Variants in PRP4K observed in about 807,000 individuals in gnomAD.
The protein encoded by PRP4K is serine/threonine-protein kinase PRP4 homolog.
At chr6:4,064,662 C>CT in the PRP4K span, 1 of 152,612 alleles carries the variant, frequency 6.6e-6, no homozygotes, top group Admixed American at 6.5e-5. Flanking sequence ...AATGGAATGT[C>CT]TTCCTTATAG....
the PRP4K span, among the ~76,000 whole-genome samples, chr6:4,057,904 G>A: frequency 3.3e-5 from 5 of 151,962 alleles, no homozygotes; most frequent in Non-Finnish European, 5.9e-5. Flanking sequence ...ATGAGCCACC[G>A]CACCCGGCTG....
At chr6:4,051,151 C>T in the PRP4K span, among the ~76,000 whole-genome samples, 1 of 151,902 alleles carries the variant, frequency 6.6e-6, no homozygotes, top group East Asian at 1.9e-4. Context: ...CTCAAGTGAT[C>T]CACCTGCCTC....
At chr6:4,021,431 C>T in the PRP4K span, 1 of 1,584,480 alleles carries the variant, frequency 6.3e-7, no homozygotes, top group Non-Finnish European at 8.6e-7. Flanking sequence ...TCAAGATGGC[C>T]GCCGCGGAGA....
the PRP4K span, chr6:4,049,926 C>A: frequency 6.4e-7 from 1 of 1,556,416 alleles, no homozygotes; most frequent in Non-Finnish European, 8.7e-7. Context: ...CGGATACTTA[C>A]AGAAGAACAT....
chr6:4,036,959 C>A, the PRP4K span, among the ~76,000 whole-genome samples: 2 of 144,428 alleles, frequency 1.4e-5, no homozygotes, highest in Non-Finnish European at 3.0e-5. Flanking sequence ...GCACTCCAGC[C>A]TGGGTGACAG....
the PRP4K span, among the ~76,000 whole-genome samples, chr6:4,029,935 TTTC>T: frequency 6.6e-6 from 1 of 151,044 alleles, no homozygotes; most frequent in African/African-American, 2.4e-5. Context: ...ATCTGTTTTC[TTTC>T]TTTTTTTTTT....
At chr6:4,021,551 C>T in the PRP4K span, 5 of 1,528,368 alleles carry the variant, frequency 3.3e-6, no homozygotes, top group Non-Finnish European at 4.4e-6. Context: ...AAAGTTCGGG[C>T]CTAACGGCGA....
the PRP4K span, chr6:4,051,935 C>G: frequency 6.9e-7 from 1 of 1,448,844 alleles, no homozygotes; most frequent in South Asian, 1.3e-5. Flanking sequence ...CAATTTTACC[C>G]CAATTTTTTT....
the PRP4K span, among the ~76,000 whole-genome samples, chr6:4,059,109 A>G: frequency 6.6e-6 from 1 of 152,128 alleles, no homozygotes; most frequent in African/African-American, 2.4e-5. Context: ...TTGCTGCTAG[A>G]GTGATGTTTC....
chr6:4,027,318 C>T, the PRP4K span, among the ~76,000 whole-genome samples: 2 of 152,046 alleles, frequency 1.3e-5, no homozygotes, highest in African/African-American at 4.8e-5. Context: ...ACTATGAACT[C>T]ATTTAATTTT....
chr6:4,037,358 G>T, the PRP4K span: 3 of 1,490,944 alleles, frequency 2.0e-6, no homozygotes, highest in South Asian at 4.1e-5. Flanking sequence ...CATTTACTTT[G>T]ATTTATATTT....
chr6:4,032,428 A>G, the PRP4K span: 1 of 1,614,060 alleles, frequency 6.2e-7, no homozygotes, highest in Admixed American at 1.7e-5. Flanking sequence ...AAATCCAAAG[A>G]CAGAAGGTCA....
the PRP4K span, chr6:4,064,091 G>A: frequency 6.6e-6 from 1 of 152,068 alleles, no homozygotes; most frequent in African/African-American, 2.4e-5. Context: ...TTGAGCAGGG[G>A]GAGCATCTTA....
the PRP4K span, chr6:4,060,388 T>C: frequency 6.3e-7 from 1 of 1,595,224 alleles, no homozygotes; most frequent in Non-Finnish European, 8.6e-7. The surrounding 1 kb of genome is among the most constrained non-coding windows in gnomAD (Gnocchi z 4.7). Context: ...TATTTAGAGA[T>C]ACGCATTTTA....
At chr6:4,043,915 C>T in the PRP4K span, 1 of 1,614,192 alleles carries the variant, frequency 6.2e-7, no homozygotes, top group Non-Finnish European at 8.5e-7. Flanking sequence ...AGATGACATT[C>T]TGGAGCGAGT....
At chr6:4,060,210 GA>G in the PRP4K span, among the ~76,000 whole-genome samples, 82 of 152,128 alleles carry the variant, frequency 5.4e-4, no homozygotes, top group African/African-American at 1.8e-3. This position sits in a 1 kb window ranked among gnomAD's most constrained non-coding sequence, Gnocchi z 4.7. Context: ...ATAGAAAAGG[GA>G]GAGCAAAAAT....
the PRP4K span, chr6:4,058,914 T>G: frequency 1.1e-6 from 1 of 914,864 alleles, no homozygotes; most frequent in Non-Finnish European, 1.6e-6. Context: ...AACCCAAAAG[T>G]AAGTATTTCC....
At chr6:4,047,656 G>A in the PRP4K span, among the ~76,000 whole-genome samples, 1 of 152,102 alleles carries the variant, frequency 6.6e-6, no homozygotes, top group Non-Finnish European at 1.5e-5. Flanking sequence ...ATAGAATATT[G>A]AAGAATTGGA....
chr6:4,051,431 C>T, the PRP4K span, among the ~76,000 whole-genome samples: 1 of 151,990 alleles, frequency 6.6e-6, no homozygotes, highest in Non-Finnish European at 1.5e-5. Context: ...ATTCTCCTGC[C>T]TCAGCCTCCC....
Sources: gnomAD v4.1 joint callset for allele counts (sites outside exome capture counted in the v4.1 genomes callset) on GRCh38, gnomAD v4.1.1 for gene constraint, Gnocchi (gnomAD v3.1) non-coding constraint, MANE v1.5 for transcripts, NCBI Gene and HGNC (gene_info 2026-07-23, HGNC 2026-07-21) for gene names.